Variants in IGSF1 observed in about 807,000 individuals in gnomAD.
The protein encoded by IGSF1 is immunoglobulin superfamily member 1.
A neutral mutation model predicts 95.3 loss-of-function variants in IGSF1; 40 were observed. The observed-to-expected ratio is 0.42, with a 90% CI of 0.33 to 0.55. The LOEUF (loss-of-function observed/expected upper bound fraction) is 0.55. IGSF1 is among the 20% of genes least tolerant of loss of function. IGSF1 has a pLI of 0.10. For missense variants in IGSF1, 906 were observed against 1,025.4 expected (o/e 0.88, Z 1.59); for synonymous variants, 372 against 382.9 (o/e 0.97, Z 0.33).
intron 4 of IGSF1, 34 bp from the exon 5 acceptor site, chrX:131,285,500 G>A: frequency 8.5e-7 from 1 of 1,179,623 alleles, no homozygotes; most frequent in Non-Finnish European, 1.1e-6. Flanking sequence ...ATTAGGTAAA[G>A]CAAGGATAGT....
At chrX:131,277,410 C>A in intron 13 of IGSF1, 184 bp from the exon 14 acceptor site, 1 of 442,141 alleles carries the variant, frequency 2.3e-6, no homozygotes, top group Non-Finnish European at 3.8e-6. Context: ...ACACAGGGAC[C>A]CTTCAACCCC....
rs1210956732 is a variant in IGSF1 at position 131,282,477 on chromosome X, G to T, written c.1213C>A (p.Pro405Thr). ...LLTWKTSIRM[P>T]SHNTVELMVV... ...ATAAGCTCCACAGTGTTGTGTGATG[G>T]CATCCTAATGGAGGTCTTCCAGGTG... The change falls in exon 7 of 20, where the codon CCA becomes ACA. Residue 405 changes from proline to threonine, a missense_variant. By Grantham distance (38) the Pro-to-Thr change is conservative. Coordinates refer to ENST00000361420, the MANE Select transcript of IGSF1 (RefSeq NM_001555.5). 2 of 1,207,815 alleles carry T rather than the reference G, an allele frequency of 1.7e-6. No homozygotes were observed. Among genetic ancestry groups the T allele is most frequent in the Non-Finnish European group, 1.1e-6 (1 of 891,854 alleles).
intron 3 of IGSF1, among the ~76,000 whole-genome samples, 173 bp downstream of exon 3, chrX:131,286,264 T>C (rs1045633411): frequency 4.5e-5 from 5 of 111,226 alleles, no homozygotes; most frequent in Middle Eastern, 4.7e-3. Context: ...GATGGTCTCT[T>C]TTCCATCTGA....
At chrX:131,279,485 G>A in intron 9 of IGSF1, 144 bp from the exon 10 acceptor site, 2 of 494,228 alleles carry the variant, frequency 4.0e-6, no homozygotes, top group Admixed American at 3.4e-5. Context: ...AATCTTATTT[G>A]ACATCAATGA....
At chrX:131,289,307 A>C (rs373244669), upstream of IGSF1, 4 of 373,034 alleles carry the variant, frequency 1.1e-5, no homozygotes, top group East Asian at 1.5e-4. Flanking sequence ...GTCTAAGGAC[A>C]GCCTCTTCGG....
rs772551917 is a variant in IGSF1 at position 131,278,606 on chromosome X, G to A, written c.1896C>T (p.Ile632=). 5.8e-6 allele frequency: 7 copies of A among 1,209,754 alleles called. No homozygotes were observed. The East Asian group carries it at 8.9e-5, about 15-fold the overall frequency. The change falls in exon 12 of 20, where the codon ATC becomes ATT. Residue 632 remains isoleucine (I), a synonymous_variant. Coordinates refer to ENST00000361420, the MANE Select transcript of IGSF1 (RefSeq NM_001555.5). ...FVLLKDGTGW[I]ATRPASEQVR... is the part of the protein sequence containing the mutation. ...CCTGCTCTGAGGCCGGGCGAGTGGC[G>A]ATCCACCCGGTCCCATCCTTCAGCA...
chrX:131,284,123 G>GT (rs1175167587), intron 5 of IGSF1: 2 of 721,344 alleles, frequency 2.8e-6, no homozygotes, highest in Non-Finnish European at 3.3e-6. Flanking sequence ...CAAACAGGCA[G>GT]TTTTTGTTCT....
rs764629677 is a variant in IGSF1 at position 131,273,813 on chromosome X, G to T, written c.3994C>A (p.Leu1332Met). 2.7e-5 allele frequency: 33 copies of T among 1,207,495 alleles called. No individual in the cohort carries two copies. The highest frequency in any genetic ancestry group is 3.4e-5 in the Non-Finnish European group (30 of 893,644). ...SSTSQRISVE[L>M]PVPI is the part of the protein sequence containing the mutation. ...GGAGATTATTATATTGGAACGGGCA[G>T]TTCCACAGAGATTCTCTGAGAGGTT... The change falls in exon 20 of 20, where the codon CTG becomes ATG. Residue 1332 changes from leucine (L) to methionine (M), a missense_variant. Physicochemically the swap from Leu to Met is conservative, Grantham distance 15 (BLOSUM62 2). Around this residue, in one of 5 missense-constraint regions of IGSF1, gnomAD observed 411 missense variants for 494.9 expected, o/e 0.83. Transcript: ENST00000361420.
chrX:131,286,514 G>T, intron 2 of IGSF1, 51 bp from the exon 3 acceptor site: 1 of 1,178,197 alleles, frequency 8.5e-7, no homozygotes. Context: ...TCTCCATCCT[G>T]TGCTCAAACC....
chrX:131,278,909 A>G (rs1308058602), intron 11 of IGSF1, among the ~76,000 whole-genome samples, 158 bp from the exon 12 acceptor site: 1 of 111,243 alleles, frequency 9.0e-6, no homozygotes, highest in African/African-American at 3.3e-5. Context: ...TGCTGGGGAA[A>G]GGGGAAGCTG....
At chrX:131,288,687 G>A (rs943286049) in intron 1 of IGSF1, among the ~76,000 whole-genome samples, 7 of 110,814 alleles carry the variant, frequency 6.3e-5, no homozygotes, top group Admixed American at 4.8e-4. Flanking sequence ...ATCTTATACC[G>A]GGGGAACATG....
At chrX:131,279,886 G>A (rs1476414835) in intron 9 of IGSF1, among the ~76,000 whole-genome samples, 1 of 111,985 alleles carries the variant, frequency 8.9e-6, no homozygotes, top group Non-Finnish European at 1.9e-5. Flanking sequence ...GATTGGCAGT[G>A]CCGAGCCAAG....
Position 131,282,490 on chromosome X carries a change from G to T in IGSF1, c.1200C>A (p.Thr400=). 2 of 1,207,403 alleles carry T rather than the reference G, an allele frequency of 1.7e-6. No individual in the cohort carries two copies. The highest frequency in any genetic ancestry group is 2.2e-6 in the Non-Finnish European group (2 of 891,384). ...TGTTGTGTGATGGCATCCTAATGGA[G>T]GTCTTCCAGGTGAGAAGATAGTGGC... ...YSCHYLLTWK[T]SIRMPSHNTV... is the part of the protein sequence containing the mutation. The change falls in exon 7 of 20, where the codon ACC becomes ACA. Residue 400 remains threonine, a synonymous_variant. Transcript: ENST00000361420.
rs2080628092 is a variant in IGSF1, at chrX:131,285,888, G to A, written c.258C>T (p.Thr86=). Residue 86 remains threonine, a synonymous_variant, in exon 4 of 20, where the codon ACC becomes ACT. Coordinates refer to ENST00000361420, the MANE Select transcript of IGSF1 (RefSeq NM_001555.5). ...QMTWIRPSHK[T]FQVSFLIGAL... is the part of the protein sequence containing the mutation. ...CACCTATAAGGAATGAAACTTGGAA[G>A]GTCTTGTGGGAAGGGCGGATCCAGG... is the stretch of plus-strand genomic sequence containing the variant. 1 of 1,209,490 alleles carries A rather than the reference G, an allele frequency of 8.3e-7. No homozygotes were observed. Among genetic ancestry groups the A allele is most frequent in the Admixed American group, 2.2e-5 (1 of 45,738 alleles).
intron 14 of IGSF1, 124 bp downstream of exon 14, chrX:131,276,799 CTGGTCACTATGGGCCA>C: frequency 1.8e-6 from 1 of 545,552 alleles, no homozygotes; most frequent in Non-Finnish European, 3.0e-6. Context: ...GCATCATGGA[CTGGTCACTATGGGCCA>C]GCCGCTGTCC....
chrX:131,282,568 G>T lies in IGSF1; in HGVS notation c.1122C>A (p.Asn374Lys). The T allele has an allele frequency of 8.3e-7, 1 of 1,210,310 alleles. No homozygotes were observed. Among genetic ancestry groups the T allele is most frequent in the East Asian group, 3.0e-5 (1 of 33,807 alleles). The change falls in exon 7 of 20, where the codon AAC (asparagine) becomes AAA (lysine). Residue 374 changes from asparagine to lysine, a missense_variant. Physicochemically the swap from Asn to Lys is moderately conservative, Grantham distance 94. Around this residue, in one of 5 missense-constraint regions of IGSF1, gnomAD observed 442 missense variants for 448.1 expected, o/e 0.99. Coordinates refer to ENST00000361420, the MANE Select transcript of IGSF1 (RefSeq NM_001555.5). Reference sequence around the variant, plus strand: ...TTACATTGTTGAGGAAGAATGATGTGTTGTCATCGATGCTGGTGGCATCCA... The same window carrying T: ...TTACATTGTTGAGGAAGAATGATGTTTTGTCATCGATGCTGGTGGCATCCA... ...QFLDATSIDDNTSFFLNNVTY... is the reference protein window; with the variant it reads ...QFLDATSIDDKTSFFLNNVTY...
rs756093607 is a variant in IGSF1 at position 131,286,118 on chromosome X, G to A, written c.98-70C>T. On this transcript the variant is annotated intron_variant, in intron 3 of 19. Transcript: ENST00000361420. Reference sequence around the variant, plus strand: ...TCCCTCCCATAACATGTCCCACAATGTCCCTTAAAATTAGCCCGGACCCAG... The same window carrying A: ...TCCCTCCCATAACATGTCCCACAATATCCCTTAAAATTAGCCCGGACCCAG... 58 of 998,348 alleles carry A rather than the reference G, an allele frequency of 5.8e-5. No individual in the cohort carries two copies. In the South Asian group the frequency reaches 1.3e-3, roughly 22 times the overall value. The allele number at this position is 998,348 out of a possible 1,213,427, so 82.3% of individuals were successfully genotyped here.
intron 7 of IGSF1, 95 bp from the exon 8 acceptor site, chrX:131,282,039 T>C (rs2080569742): frequency 1.2e-6 from 1 of 821,021 alleles, no homozygotes; most frequent in South Asian, 2.6e-5. Flanking sequence ...TGATCTTCTC[T>C]TCCTTTCCAC....
At position 131,277,659 on chromosome X, in the gene IGSF1, A is replaced by T. The variant is rs2080493668; in HGVS notation, c.2320+197T>A. ...TCACCCTCCACGAACCAAAGCTATTAATAACGATTATGGCTATTAATATCG... is the reference window on the plus strand; with the variant it reads ...TCACCCTCCACGAACCAAAGCTATTTATAACGATTATGGCTATTAATATCG... On this transcript the variant is annotated intron_variant, in intron 13 of 19. Transcript: ENST00000361420. 7.0e-6 allele frequency: 3 copies of T among 426,382 alleles called. No homozygotes were observed. The East Asian group carries it at 1.1e-4, about 16-fold the overall frequency. 35.1% of individuals were successfully genotyped at this position (426,382 alleles called of 1,213,427 possible).
Sources: allele counts gnomAD v4.1 joint callset (sites outside exome capture counted in the v4.1 genomes callset), GRCh38; gene constraint gnomAD v4.1.1; regional missense constraint gnomAD v4.1.1; transcripts MANE v1.5; gene names NCBI Gene and HGNC (gene_info 2026-07-23, HGNC 2026-07-21).